The following TYW1 variants were observed in gnomAD, a reference collection of about 807,000 sequenced individuals.
The protein encoded by TYW1 is S-adenosyl-L-methionine-dependent tRNA 4-demethylwyosine synthase TYW1.
TYW1 carries 46 observed loss-of-function variants against 96.2 expected under a neutral mutation model. The observed-to-expected ratio is 0.48, with a 90% CI of 0.38 to 0.61. TYW1 has a LOEUF of 0.61. TYW1 is among the 20% of genes least tolerant of loss of function. The pLI is 0.00. For synonymous variants in TYW1, 274 were observed against 323.0 expected, an observed-to-expected ratio of 0.85 and a Z score of 1.63; for missense variants, 684 against 909.6, an observed-to-expected ratio of 0.75 and a Z score of 3.19.
chr7:67,093,310 CT>C (rs1374495516), intron 11 of TYW1, among the ~76,000 whole-genome samples: 1 of 152,128 alleles, frequency 6.6e-6, no homozygotes, highest in East Asian at 1.9e-4. Context: ...GTTATAATAG[CT>C]GTATGTGTGT....
intron 13 of TYW1, among the ~76,000 whole-genome samples, chr7:67,141,191 A>G (rs1798438153): frequency 1.3e-5 from 2 of 152,212 alleles, no homozygotes; most frequent in South Asian, 4.1e-4. Context: ...AGAAACTAGA[A>G]GAATTTTTAC....
intron 13 of TYW1, among the ~76,000 whole-genome samples, chr7:67,123,433 C>T (rs1476625796): frequency 6.6e-6 from 1 of 152,228 alleles, no homozygotes; most frequent in Non-Finnish European, 1.5e-5. Flanking sequence ...AGCTGGCTAA[C>T]TCCTTAGTAA....
At chr7:67,023,035 C>G (rs974271602) in intron 6 of TYW1, among the ~76,000 whole-genome samples, 1 of 152,164 alleles carries the variant, frequency 6.6e-6, no homozygotes, top group African/African-American at 2.4e-5. Flanking sequence ...CTCTGCTATA[C>G]TGTGGGGCAT....
At chr7:67,033,570 CCT>C (rs1794735892) in intron 7 of TYW1, among the ~76,000 whole-genome samples, 1 of 152,170 alleles carries the variant, frequency 6.6e-6, no homozygotes, top group African/African-American at 2.4e-5. Context: ...CTCCCTGTAG[CCT>C]CTCTCCTTTT....
chr7:67,034,570 T>G (rs576796830), intron 7 of TYW1, among the ~76,000 whole-genome samples: 1 of 152,268 alleles, frequency 6.6e-6, no homozygotes, highest in African/African-American at 2.4e-5. Context: ...TGTTTTGGTA[T>G]AATTTTGTTT....
At chr7:67,188,892 C>G (rs1249595786) in intron 14 of TYW1, among the ~76,000 whole-genome samples, 12 of 152,102 alleles carry the variant, frequency 7.9e-5, no homozygotes, top group Admixed American at 2.0e-4. Flanking sequence ...AATTGAGTTG[C>G]TTATCTTTTT....
chr7:67,168,714 T>G (rs1216897414), intron 13 of TYW1, among the ~76,000 whole-genome samples: 1 of 151,096 alleles, frequency 6.6e-6, no homozygotes, highest in South Asian at 2.1e-4. Context: ...ATTCTTTTTT[T>G]TTCTTTTTTT....
At chr7:67,233,137 C>T (rs542386645) in intron 15 of TYW1, among the ~76,000 whole-genome samples, 1,244 of 95,862 alleles carry the variant, frequency 0.013, 131 homozygotes, top group Non-Finnish European at 0.02. Context: ...GCTCACCCAT[C>T]ATCTGTTCAG....
At chr7:67,012,853 G>A (rs1457939712) in intron 4 of TYW1, among the ~76,000 whole-genome samples, 1 of 151,176 alleles carries the variant, frequency 6.6e-6, no homozygotes, top group African/African-American at 2.4e-5. Context: ...GTTTAGACTT[G>A]ATATATCCCC....
At chr7:67,212,182 G>A (rs1331970281) in intron 15 of TYW1, among the ~76,000 whole-genome samples, 1 of 151,760 alleles carries the variant, frequency 6.6e-6, no homozygotes, top group Non-Finnish European at 1.5e-5. Flanking sequence ...TTATAGTTGT[G>A]CCTCTTCCAA....
At chr7:67,110,967 T>C (rs745809426) in intron 12 of TYW1, among the ~76,000 whole-genome samples, 3 of 152,074 alleles carry the variant, frequency 2.0e-5, no homozygotes, top group African/African-American at 7.2e-5. Context: ...ATCATGCCAC[T>C]GCACTCCAGC....
chr7:67,200,148 C>T (rs1800544500), intron 15 of TYW1, among the ~76,000 whole-genome samples: 1 of 152,050 alleles, frequency 6.6e-6, no homozygotes, highest in Admixed American at 6.5e-5. Context: ...AAGTGTGCGC[C>T]AGGACAAAGG....
chr7:67,034,532 G>A (rs1794773134), intron 7 of TYW1, among the ~76,000 whole-genome samples: 1 of 152,032 alleles, frequency 6.6e-6, no homozygotes, highest in East Asian at 1.9e-4. Context: ...ATTCTTGCAG[G>A]TATTTTATTG....
At chr7:67,236,184 G>A (rs1801883821) in intron 15 of TYW1, among the ~76,000 whole-genome samples, 1 of 152,242 alleles carries the variant, frequency 6.6e-6, no homozygotes, top group Non-Finnish European at 1.5e-5. Context: ...GGACATGTGA[G>A]TTAGACAGAG....
At chr7:67,149,750 C>G (rs1005385570) in intron 13 of TYW1, among the ~76,000 whole-genome samples, 1 of 83,914 alleles carries the variant, frequency 1.2e-5, no homozygotes, top group Non-Finnish European at 2.5e-5. Flanking sequence ...ATCTATCTAT[C>G]TATCTATCTA....
intron 8 of TYW1, among the ~76,000 whole-genome samples, chr7:67,051,380 T>C (rs1795349552): frequency 6.6e-6 from 1 of 152,168 alleles, no homozygotes; most frequent in Admixed American, 6.6e-5. Context: ...TGATCATGGC[T>C]CACTGTAGCC....
intron 15 of TYW1, among the ~76,000 whole-genome samples, chr7:67,202,721 G>A (rs1176405480): frequency 6.6e-6 from 1 of 152,000 alleles, no homozygotes; most frequent in Non-Finnish European, 1.5e-5. Flanking sequence ...AATAATCCCG[G>A]GACTTCTGAA....
chr7:67,237,110 G>T (rs553834790), intron 15 of TYW1, among the ~76,000 whole-genome samples: 1 of 152,128 alleles, frequency 6.6e-6, no homozygotes, highest in Non-Finnish European at 1.5e-5. Flanking sequence ...AGTCTTGAAC[G>T]CCTGACCTCA....
At chr7:67,108,137 A>G (rs1379266033) in intron 12 of TYW1, among the ~76,000 whole-genome samples, 1 of 152,140 alleles carries the variant, frequency 6.6e-6, no homozygotes, top group Non-Finnish European at 1.5e-5. Flanking sequence ...TTGGCCTCCC[A>G]GAGTGCTGGG....
Sources: gnomAD v4.1 joint callset for allele counts (sites outside exome capture counted in the v4.1 genomes callset) on GRCh38, gnomAD v4.1.1 for gene constraint, MANE v1.5 for transcripts, NCBI Gene and HGNC (gene_info 2026-07-23, HGNC 2026-07-21) for gene names.